Variants in CD9 observed in about 807,000 individuals in gnomAD.
CD9 encodes CD9 antigen.
Under a neutral mutation model 31.4 loss-of-function variants are expected in CD9, and 10 were observed. The observed-to-expected ratio is 0.32, with a 90% CI of 0.20 to 0.54. The LOEUF (loss-of-function observed/expected upper bound fraction) is 0.54. CD9 is among the 20% of genes least tolerant of loss of function. The pLI, the probability that CD9 is intolerant of heterozygous loss-of-function variation, is 0.94. For missense variants in CD9, 259 were observed against 300.1 expected (o/e 0.86, Z 1.01); for synonymous variants, 113 against 114.1 (o/e 0.99, Z 0.06).
chr12:6,230,594 C>T (rs1428902777), intron 2 of CD9, among the ~76,000 whole-genome samples: 4 of 152,252 alleles, frequency 2.6e-5, no homozygotes, highest in Non-Finnish European at 5.9e-5. Context: ...TGACCTCATC[C>T]TTCCTTGACT....
At chr12:6,214,066 G>T (rs1187665340) in intron 1 of CD9, among the ~76,000 whole-genome samples, 2 of 152,122 alleles carry the variant, frequency 1.3e-5, no homozygotes, top group South Asian at 4.1e-4. Flanking sequence ...ACCGTGCATC[G>T]AGAAGAGCAT....
At chr12:6,236,158 G>C in intron 6 of CD9, 34 bp from the exon 7 acceptor site, 4 of 1,613,296 alleles carry the variant, frequency 2.5e-6, no homozygotes, top group Non-Finnish European at 3.4e-6. Flanking sequence ...AGGAAGGATT[G>C]TGTGTGACCC....
intron 1 of CD9, among the ~76,000 whole-genome samples, chr12:6,212,826 A>G (rs544818768): frequency 1.3e-5 from 2 of 152,224 alleles, no homozygotes; most frequent in Admixed American, 6.5e-5. Context: ...TTGTCATGGA[A>G]TGTTGGGTTT....
intron 1 of CD9, among the ~76,000 whole-genome samples, chr12:6,210,090 G>T (rs1418286151): frequency 6.6e-6 from 1 of 152,240 alleles, no homozygotes; most frequent in African/African-American, 2.4e-5. Flanking sequence ...GGACCCTGGG[G>T]TGTGTCTTGA....
chr12:6,231,328 T>C (rs1233649806), intron 2 of CD9, among the ~76,000 whole-genome samples: 4 of 152,230 alleles, frequency 2.6e-5, no homozygotes, highest in Admixed American at 1.3e-4. Flanking sequence ...GTGGGCATTA[T>C]TGCTACTCCT....
chr12:6,208,575 G>A (rs376815500), intron 1 of CD9, among the ~76,000 whole-genome samples: 85 of 151,958 alleles, frequency 5.6e-4, no homozygotes, highest in African/African-American at 1.9e-3. Flanking sequence ...GTTTGTTTTT[G>A]TTCTTTTTTT....
At chr12:6,226,971 C>T (rs550191351) in intron 2 of CD9, among the ~76,000 whole-genome samples, 4 of 152,184 alleles carry the variant, frequency 2.6e-5, no homozygotes, top group Non-Finnish European at 5.9e-5. Context: ...CAGGAGCAGG[C>T]ACAGTCAGGC....
intron 1 of CD9, among the ~76,000 whole-genome samples, chr12:6,207,729 T>G: frequency 6.6e-6 from 1 of 152,180 alleles, no homozygotes; most frequent in East Asian, 1.9e-4. Context: ...GTTGAGTAAC[T>G]GGGAAAGGCA....
chr12:6,231,470 C>T (rs1250495459), intron 2 of CD9, among the ~76,000 whole-genome samples: 1 of 152,210 alleles, frequency 6.6e-6, no homozygotes, highest in East Asian at 1.9e-4. Flanking sequence ...CAGGGAGGCA[C>T]AGAGACTTTG....
At chr12:6,207,547 C>G (rs1003655217) in intron 1 of CD9, among the ~76,000 whole-genome samples, 5 of 152,206 alleles carry the variant, frequency 3.3e-5, no homozygotes, top group African/African-American at 4.8e-5. Flanking sequence ...CTTAGCTTTT[C>G]CCAGAGCTTG....
At chr12:6,217,621 A>C (rs79195132) in intron 1 of CD9, among the ~76,000 whole-genome samples, 2 of 152,314 alleles carry the variant, frequency 1.3e-5, no homozygotes, top group East Asian at 1.9e-4. Flanking sequence ...GCAGCTCACT[A>C]TTCTTTCTAT....
rs1017939029 is a variant in CD9 at position 6,237,864 on chromosome 12, A to G, written c.*36A>G. The G allele has an allele frequency of 4.7e-6, 7 of 1,477,850 alleles. No homozygotes were observed. The highest frequency in any genetic ancestry group is 6.6e-6 in the Non-Finnish European group (7 of 1,058,886). 91.5% of individuals were successfully genotyped at this position (1,477,850 alleles called of 1,614,324 possible). On this transcript the variant is annotated 3_prime_UTR_variant, in exon 8 of 8. Coordinates refer to ENST00000009180, the MANE Select transcript of CD9 (RefSeq NM_001769.4). ...CATCCCTGAGCAGGAAAGTTTACCC[A>G]TGAAGATTGGTGGGATTTTTTGTTT...
intron 1 of CD9, among the ~76,000 whole-genome samples, chr12:6,201,370 G>A (rs1436783579): frequency 2.6e-5 from 4 of 152,252 alleles, no homozygotes; most frequent in Admixed American, 6.5e-5. Flanking sequence ...TCCTGTGTGT[G>A]CATTTCCGGG....
At chr12:6,218,094 G>T (rs930804375) in intron 1 of CD9, among the ~76,000 whole-genome samples, 2 of 152,036 alleles carry the variant, frequency 1.3e-5, no homozygotes, top group Non-Finnish European at 2.9e-5. Context: ...GGGCGTGGTG[G>T]TGCACACCTG....
intron 1 of CD9, among the ~76,000 whole-genome samples, chr12:6,207,992 A>G (rs1423688037): frequency 6.6e-6 from 1 of 152,166 alleles, no homozygotes; most frequent in Non-Finnish European, 1.5e-5. Context: ...TGGGAGGCCG[A>G]GACAGGCGGA....
rs112287397 is a variant in CD9 at position 6,208,578 on chromosome 12, C to CT, written c.66+8023dup. 3.7e-4 allele frequency among the ~76,000 whole-genome samples: 55 copies of CT among 148,520 alleles called. 1 individual carries two copies. The highest frequency in any genetic ancestry group is 6.4e-4 in the South Asian group (3 of 4,696). On this transcript the variant is annotated intron_variant, in intron 1 of 7. Transcript: ENST00000009180. ...TTTTGTTTGTTTGTTTGTTTTTGTTCTTTTTTTTTTGAGGTGGAGTTTCAC... is the reference window on the plus strand; with the variant it reads ...TTTTGTTTGTTTGTTTGTTTTTGTTCTTTTTTTTTTTGAGGTGGAGTTTCAC...
chr12:6,224,350 C>G (rs868177055), intron 1 of CD9, among the ~76,000 whole-genome samples: 25 of 152,222 alleles, frequency 1.6e-4, no homozygotes, highest in Middle Eastern at 6.8e-3. Flanking sequence ...AGCAAATCCC[C>G]TTATGCTCCT....
rs150059382 is a variant in CD9 at position 6,201,199 on chromosome 12, T to C, written c.66+634T>C. Among the ~76,000 whole-genome samples, 561 of 152,332 alleles carry C rather than the reference T, an allele frequency of 3.7e-3. 1 individual carries two copies. The highest frequency in any genetic ancestry group is 0.01 in the Middle Eastern group (3 of 294). Reference sequence around the variant, plus strand: ...TCGCAGGCCCCCGTTCCCTCAGACTTTGATTCTGAGCCACCGTGAGAGCGC... The same window carrying C: ...TCGCAGGCCCCCGTTCCCTCAGACTCTGATTCTGAGCCACCGTGAGAGCGC... On this transcript the variant is annotated intron_variant, in intron 1 of 7. Transcript: ENST00000009180.
intron 2 of CD9, among the ~76,000 whole-genome samples, chr12:6,227,584 C>A (rs143531918): frequency 5.9e-5 from 9 of 152,174 alleles, no homozygotes; most frequent in African/African-American, 2.2e-4. Flanking sequence ...CTTAGCTCTA[C>A]GAGGAGTGTG....
Sources: gnomAD v4.1 joint callset for allele counts (sites outside exome capture counted in the v4.1 genomes callset) on GRCh38, gnomAD v4.1.1 for gene constraint, MANE v1.5 for transcripts, NCBI Gene and HGNC (gene_info 2026-07-23, HGNC 2026-07-21) for gene names.